The following TAOK3 variants were observed in gnomAD, a reference collection of about 807,000 sequenced individuals.
TAOK3 encodes the protein serine/threonine-protein kinase TAO3.
A neutral mutation model predicts 120.4 loss-of-function variants in TAOK3; 40 were observed. That is an observed-to-expected ratio of 0.33 (90% CI 0.26 to 0.43). The LOEUF (loss-of-function observed/expected upper bound fraction) is 0.43. Among genes scored for constraint, TAOK3 ranks in the 20% least tolerant of loss-of-function variants. TAOK3 has a pLI of 1.00. For synonymous variants in TAOK3, 355 were observed against 387.5 expected (o/e 0.92, Z 0.99); for missense variants, 821 against 1,112.1 (o/e 0.74, Z 3.72).
At chr12:118,305,259 T>C (rs562902978) in intron 1 of TAOK3, among the ~76,000 whole-genome samples, 3 of 152,152 alleles carry the variant, frequency 2.0e-5, no homozygotes, top group Admixed American at 1.3e-4. Flanking sequence ...GGCGGGAGGA[T>C]TGTTTGAGGT....
intron 8 of TAOK3, among the ~76,000 whole-genome samples, chr12:118,234,888 A>G (rs2039958673): frequency 6.6e-6 from 1 of 152,194 alleles, no homozygotes; most frequent in African/African-American, 2.4e-5. Context: ...CTATCTGTTT[A>G]ATATGCTTTG....
chr12:118,172,614 C>G lies in TAOK3; in HGVS notation c.1742G>C (p.Arg581Pro). The G allele has an allele frequency of 6.2e-7, 1 of 1,614,150 alleles. No homozygotes were observed. The highest frequency in any genetic ancestry group is 8.5e-7 in the Non-Finnish European group (1 of 1,180,036). Reference sequence around the variant, plus strand: ...CAAGTTCTCTTTATGTTTGGAGATCCGCTCTTGCTTCTCTTTCTTGGGTGT... The same window carrying G: ...CAAGTTCTCTTTATGTTTGGAGATCGGCTCTTGCTTCTCTTTCTTGGGTGT... ...HSTPKKEKQE[R>P]ISKHKENLQH... The change falls in exon 17 of 21, where the codon CGG becomes CCG. Residue 581 changes from arginine to proline, a missense_variant. Physicochemically the swap from Arg to Pro is moderately radical, Grantham distance 103. Around this residue, in one of 2 missense-constraint regions of TAOK3, gnomAD observed 354 missense variants for 572.1 expected, o/e 0.62. Transcript: ENST00000392533.
chr12:118,293,412 C>T (rs2042554726), intron 1 of TAOK3, among the ~76,000 whole-genome samples: 1 of 152,200 alleles, frequency 6.6e-6, no homozygotes, highest in Non-Finnish European at 1.5e-5. Context: ...GGTGTGGTGG[C>T]TCACGCCTGT....
chr12:118,173,820 T>C (rs901864725), intron 16 of TAOK3, among the ~76,000 whole-genome samples: 1 of 151,936 alleles, frequency 6.6e-6, no homozygotes, highest in Non-Finnish European at 1.5e-5. Context: ...AGCTACTCAC[T>C]CAGCTAAAAT....
rs1433422672 is a variant in TAOK3 at position 118,151,175 on chromosome 12, G to A, written c.2536-17C>T. On this transcript the variant is annotated splice_polypyrimidine_tract_variant and intron_variant, in intron 20 of 20. Transcript: ENST00000392533. ...CTCTTCAATCTGAAAGAAGCACGAT[G>A]CAGTTCTTAATGGAAAGCATCTCCT... 6.2e-7 allele frequency: 1 copy of A among 1,609,576 alleles called. No individual in the cohort carries two copies. The highest frequency in any genetic ancestry group is 1.7e-5 in the Admixed American group (1 of 59,606).
intron 1 of TAOK3, among the ~76,000 whole-genome samples, chr12:118,368,445 G>A (rs538895572): frequency 6.6e-6 from 1 of 151,472 alleles, no homozygotes; most frequent in Non-Finnish European, 1.5e-5. Context: ...TGATTCACCC[G>A]CCTTGGCCTT....
Position 118,238,061 on chromosome 12 carries a change from C to G in TAOK3, c.437+12G>C. On this transcript the variant is annotated intron_variant, in intron 7 of 20. Coordinates refer to ENST00000392533, the MANE Select transcript of TAOK3 (RefSeq NM_016281.4). ...GCAACTGAAAAGAAACATAACTGGT[C>G]TCTAATCTTACCTATGAATCAATGC... is the stretch of plus-strand genomic sequence containing the variant. 6.5e-7 allele frequency: 1 copy of G among 1,544,836 alleles called. No individual in the cohort carries two copies. The highest frequency in any genetic ancestry group is 8.9e-7 in the Non-Finnish European group (1 of 1,125,482).
chr12:118,296,763 T>A (rs2042696032), intron 1 of TAOK3, among the ~76,000 whole-genome samples: 1 of 152,234 alleles, frequency 6.6e-6, no homozygotes, highest in Non-Finnish European at 1.5e-5. Flanking sequence ...CAAATTACAT[T>A]TAGCCTGCTA....
chr12:118,328,217 C>T (rs532409963), intron 1 of TAOK3, among the ~76,000 whole-genome samples: 11 of 152,158 alleles, frequency 7.2e-5, no homozygotes, highest in Middle Eastern at 3.4e-3. Flanking sequence ...CCCGCCACCA[C>T]GCCTGGCTAA....
In TAOK3 at chr12:118,199,086, T is replaced by C. The variant is rs756577945; in HGVS notation, c.1159A>G (p.Thr387Ala). ...ACGACGGAGGAGCTGGAATTGATTG[T>C]GCTTTCGTCATCGTGCATCATGACA... ...ELVMMHDDES[T>A]INSSSSVVHK... The change falls in exon 13 of 21, where the codon ACA becomes GCA. Residue 387 changes from threonine to alanine, a missense_variant. Thr to Ala is a moderately conservative substitution (Grantham distance 58). Around this residue, in one of 2 missense-constraint regions of TAOK3, gnomAD observed 467 missense variants for 540.0 expected, o/e 0.86. Transcript: ENST00000392533. 5 of 1,614,092 alleles carry C rather than the reference T, an allele frequency of 3.1e-6. No individual in the cohort carries two copies. The highest frequency in any genetic ancestry group is 4.2e-6 in the Non-Finnish European group (5 of 1,180,044).
chr12:118,253,525 G>C (rs2040845297), intron 3 of TAOK3, among the ~76,000 whole-genome samples: 1 of 150,056 alleles, frequency 6.7e-6, no homozygotes, highest in Non-Finnish European at 1.5e-5. Context: ...ATCACCTGAA[G>C]TCAGGAGTTT....
chr12:118,192,167 A>G (rs1034332841), intron 13 of TAOK3, among the ~76,000 whole-genome samples: 6 of 152,204 alleles, frequency 3.9e-5, no homozygotes, highest in Admixed American at 3.3e-4. Context: ...TGCTTCTCCA[A>G]TTAAAAGCCA....
chr12:118,350,608 C>G (rs532840653), intron 1 of TAOK3, among the ~76,000 whole-genome samples: 1 of 152,110 alleles, frequency 6.6e-6, no homozygotes, highest in Non-Finnish European at 1.5e-5. Context: ...CCTGTAATCC[C>G]AGCACTTTGG....
Position 118,255,558 on chromosome 12 carries a change from C to G in TAOK3, c.10G>C (p.Gly4Arg), listed in dbSNP as rs1219830929. 6.2e-7 allele frequency: 1 copy of G among 1,613,334 alleles called. No individual in the cohort carries two copies. Residue 4 changes from glycine (G) to arginine (R), a missense_variant, in exon 3 of 21, where the codon GGG (glycine) becomes CGG (arginine). By Grantham distance (125) the Gly-to-Arg change is moderately radical (BLOSUM62 -2). Around this residue, in one of 2 missense-constraint regions of TAOK3, gnomAD observed 467 missense variants for 540.0 expected, o/e 0.86. Transcript: ENST00000392533. MRK[G>R]VLKDPEIADL... The stretch of plus-strand genomic sequence containing the variant: ...GCAATCTCTGGGTCCTTCAGCACCC[C>G]TTTACGCATGATGGCCAGTAGAGCA...
In TAOK3 at chr12:118,287,810, G is replaced by C. The variant is rs113726827; in HGVS notation, c.-193-21051C>G. ...AGTAAAATTCCCAGCATTCTTAATT[G>C]TTCCAAAACCAAATAAAAGAAAAAT... On this transcript the variant is annotated intron_variant, in intron 1 of 20. Transcript: ENST00000392533. Among the ~76,000 whole-genome samples, 215 of 152,160 alleles carry C rather than the reference G, an allele frequency of 1.4e-3. 1 individual carries two copies. The highest frequency in any genetic ancestry group is 4.6e-3 in the African/African-American group (190 of 41,510).
chr12:118,195,008 A>G (rs889988789), intron 13 of TAOK3, among the ~76,000 whole-genome samples: 1 of 152,100 alleles, frequency 6.6e-6, no homozygotes, highest in African/African-American at 2.4e-5. Context: ...TGGCCTCCCA[A>G]AGTGCTGAGA....
chr12:118,272,357 AT>A (rs1484392911), intron 1 of TAOK3, among the ~76,000 whole-genome samples: 4 of 151,762 alleles, frequency 2.6e-5, no homozygotes, highest in Non-Finnish European at 5.9e-5. Flanking sequence ...AGAAATATAT[AT>A]TTTTAAAATA....
chr12:118,367,305 G>GA (rs200975493), intron 1 of TAOK3, among the ~76,000 whole-genome samples: 4,573 of 151,364 alleles, frequency 0.03, 198 homozygotes, highest in African/African-American at 0.095. Context: ...ATTCAGACAG[G>GA]AAAAAAATGT....
intron 1 of TAOK3, among the ~76,000 whole-genome samples, chr12:118,271,156 GAT>G (rs2041684624): frequency 6.6e-6 from 1 of 152,078 alleles, no homozygotes; most frequent in Non-Finnish European, 1.5e-5. Flanking sequence ...GTGTTATTGA[GAT>G]ATAATTCACC....
Sources: gnomAD v4.1 joint callset for allele counts (sites outside exome capture counted in the v4.1 genomes callset) on GRCh38, gnomAD v4.1.1 for gene constraint, gnomAD v4.1.1 regional missense constraint, MANE v1.5 for transcripts, NCBI Gene and HGNC (gene_info 2026-07-23, HGNC 2026-07-21) for gene names.